The following ZNF546 variants were observed in gnomAD, a reference collection of about 807,000 sequenced individuals.
ZNF546 encodes the protein CTC-471F3.6.
ZNF546 carries 60 observed loss-of-function variants against 76.2 expected under a neutral mutation model. The observed-to-expected ratio is 0.79, with a 90% CI of 0.64 to 0.98. ZNF546 has a LOEUF of 0.98. Among genes scored for constraint, ZNF546 ranks in the 50% least tolerant of loss-of-function variants. The pLI is 0.00. For missense variants in ZNF546, 936 were observed against 1,035.6 expected (o/e 0.90, Z 1.32); for synonymous variants, 277 against 328.1 (o/e 0.84, Z 1.68).
At chr19:40,008,591 G>T (rs1971635777) in intron 6 of ZNF546, 26 bp downstream of exon 6, 10 of 1,583,066 alleles carry the variant, frequency 6.3e-6, no homozygotes, top group Non-Finnish European at 8.7e-6. Context: ...TTAGGCGGGA[G>T]GGTGCTATCA....
rs1329897470 is a variant in ZNF546, at chr19:40,015,397, A to C, written c.2127A>C (p.Thr709=). 1 of 1,614,134 alleles carries C rather than the reference A, an allele frequency of 6.2e-7. No homozygotes were observed. Among genetic ancestry groups the C allele is most frequent in the Non-Finnish European group, 8.5e-7 (1 of 1,180,014 alleles). ...CTTTTATTTGCAGTTATCGACTTAC[A>C]TTACATCAAAGAATTCACACTGGTG... ...GNAFICSYRL[T]LHQRIHTGEL... Residue 709 remains threonine (T), a synonymous_variant, in exon 7 of 7, where the codon ACA becomes ACC. Transcript: ENST00000347077.
chr19:40,008,861 T>C (rs964051983), intron 6 of ZNF546, among the ~76,000 whole-genome samples: 1 of 152,244 alleles, frequency 6.6e-6, no homozygotes, highest in African/African-American at 2.4e-5. Flanking sequence ...CCAGGCCTCC[T>C]TTAACATTTT....
chr19:40,008,063 C>T (rs1413849423), intron 5 of ZNF546, among the ~76,000 whole-genome samples: 3 of 152,192 alleles, frequency 2.0e-5, no homozygotes, highest in Non-Finnish European at 4.4e-5. Flanking sequence ...ATTTAATTCT[C>T]ACCACAGCCC....
At position 39,997,104 on chromosome 19, in the gene ZNF546, GGTT is replaced by G. The variant is rs1287794739; in HGVS notation, c.-187_-185del. 1 of 152,310 alleles carries G rather than the reference GGTT, an allele frequency of 6.6e-6. No individual in the cohort carries two copies. The highest frequency in any genetic ancestry group is 1.5e-5 in the Non-Finnish European group (1 of 68,094). The allele number at this position is 152,310 out of a possible 1,614,324, so 9.4% of individuals were successfully genotyped here. A position where few individuals can be genotyped will look rare whatever the true frequency, so the allele number is the denominator to read the frequency against. ...GGGCCCTTTACATTGCGTTCTTAACGGTTCAGTCACCTTAACCGTTATTATTCA... is the reference window on the plus strand; with the variant it reads ...GGGCCCTTTACATTGCGTTCTTAACGCAGTCACCTTAACCGTTATTATTCA... On this transcript the variant is annotated 5_prime_UTR_variant, in exon 1 of 7. Coordinates refer to ENST00000347077, the MANE Select transcript of ZNF546 (RefSeq NM_178544.5).
chr19:40,012,732 T>C (rs1341455064), intron 6 of ZNF546, among the ~76,000 whole-genome samples: 1 of 152,204 alleles, frequency 6.6e-6, no homozygotes, highest in Non-Finnish European at 1.5e-5. Flanking sequence ...TGAAGAACAG[T>C]ATATGTAAGA....
chr19:40,010,939 C>T (rs928259375), intron 6 of ZNF546, among the ~76,000 whole-genome samples: 2 of 152,112 alleles, frequency 1.3e-5, no homozygotes, highest in African/African-American at 4.8e-5. Flanking sequence ...CTCAGCCTCC[C>T]AAAGTGCTGG....
intron 3 of ZNF546, among the ~76,000 whole-genome samples, 156 bp from the exon 4 acceptor site, chr19:40,005,940 C>T (rs192987485): frequency 1.2e-4 from 18 of 152,288 alleles, no homozygotes; most frequent in Admixed American, 7.8e-4. Context: ...ATTTACACCA[C>T]CCCAGCCTTG....
rs1423042092 is a variant in ZNF546 at position 40,019,292 on chromosome 19, C to T, written c.*3511C>T. The stretch of plus-strand genomic sequence containing the variant: ...GTTTCTCCTGCTCACCACTCTACTC[C>T]CAGTGACTTAATACTGTCTCTTTAA... On this transcript the variant is annotated 3_prime_UTR_variant, in exon 7 of 7. Transcript: ENST00000347077. 5.3e-5 allele frequency: 8 copies of T among 152,138 alleles called. No individual in the cohort carries two copies. Among genetic ancestry groups the T allele is most frequent in the Admixed American group, 2.6e-4 (4 of 15,272 alleles). 9.4% of individuals were successfully genotyped at this position (152,138 alleles called of 1,614,324 possible).
chr19:40,000,629 AAAAAG>A (rs1971517825), intron 3 of ZNF546, among the ~76,000 whole-genome samples: 2 of 151,584 alleles, frequency 1.3e-5, no homozygotes, highest in African/African-American at 4.8e-5. Context: ...AAAAAAAAAA[AAAAAG>A]AAAAAGAAAA....
chr19:40,014,292 A>G lies in ZNF546; in HGVS notation c.1022A>G (p.His341Arg). 2 of 1,610,322 alleles carry G rather than the reference A, an allele frequency of 1.2e-6. No homozygotes were observed. Among genetic ancestry groups the G allele is most frequent in the Non-Finnish European group, 1.7e-6 (2 of 1,178,678 alleles). Residue 341 changes from histidine to arginine, a missense_variant, in exon 7 of 7, where the codon CAT becomes CGT. Physicochemically the swap from His to Arg is conservative, Grantham distance 29. Coordinates refer to ENST00000347077, the MANE Select transcript of ZNF546 (RefSeq NM_178544.5). ...CKECGKAFRL[H>R]YQLTEHQRIH... ...GAATGTGGGAAGGCCTTTAGACTTC[A>G]TTATCAACTAACTGAACATCAAAGA...
At position 40,016,034 on chromosome 19, in the gene ZNF546, T is replaced by C; in HGVS notation, c.*253T>C. On this transcript the variant is annotated 3_prime_UTR_variant, in exon 7 of 7. Coordinates refer to ENST00000347077, the MANE Select transcript of ZNF546 (RefSeq NM_178544.5). ...TCCCCTACAAACTGTTGTTGAACAG[T>C]GCTTCTCTAAAATGCAATAATAATG... The C allele has an allele frequency of 2.1e-6, 1 of 483,642 alleles. No homozygotes were observed. The highest frequency in any genetic ancestry group is 3.7e-6 in the Non-Finnish European group (1 of 268,516). The allele number at this position is 483,642 out of a possible 1,614,324, so 30.0% of individuals were successfully genotyped here. A position where few individuals can be genotyped will look rare whatever the true frequency, so the allele number is the denominator to read the frequency against.
rs1047898579 is a variant in ZNF546 at position 40,016,603 on chromosome 19, G to C, written c.*822G>C. The C allele has an allele frequency of 1.3e-5, 2 of 152,100 alleles. No homozygotes were observed. The highest frequency in any genetic ancestry group is 2.9e-5 in the Non-Finnish European group (2 of 68,010). 9.4% of individuals were successfully genotyped at this position (152,100 alleles called of 1,614,324 possible). ...AATAAAAGCCCCAGTTTTTTATTAT[G>C]GTATTTAACTGAGTTAACTCTGTCA... On this transcript the variant is annotated 3_prime_UTR_variant, in exon 7 of 7. Transcript: ENST00000347077.
intron 3 of ZNF546, among the ~76,000 whole-genome samples, chr19:40,002,230 T>C (rs913221451): frequency 9.2e-5 from 14 of 152,250 alleles, no homozygotes; most frequent in African/African-American, 3.4e-4. Flanking sequence ...CATAGTTTAT[T>C]TAACCTGCTG....
In ZNF546 at chr19:40,014,900, C is replaced by G; in HGVS notation, c.1630C>G (p.His544Asp). Residue 544 changes from histidine to aspartate, a missense_variant, in exon 7 of 7, where the codon CAC becomes GAC. Physicochemically the swap from His to Asp is moderately conservative, Grantham distance 81 (BLOSUM62 -1). Coordinates refer to ENST00000347077, the MANE Select transcript of ZNF546 (RefSeq NM_178544.5). ...FRLQGELTRH[H>D]RIHTCEKPYE... ...TCTTCAAGGAGAACTTACCCGACAT[C>G]ACAGAATTCATACATGTGAGAAACC... 3 of 1,613,918 alleles carry G rather than the reference C, an allele frequency of 1.9e-6. No homozygotes were observed. The highest frequency in any genetic ancestry group is 2.5e-6 in the Non-Finnish European group (3 of 1,179,920).
intron 3 of ZNF546, among the ~76,000 whole-genome samples, chr19:40,000,197 C>A (rs754786034): frequency 6.6e-6 from 1 of 151,980 alleles, no homozygotes; most frequent in Non-Finnish European, 1.5e-5. Context: ...TAAGATAGTT[C>A]TTCAGGATTA....
chr19:40,019,578 T>C lies in ZNF546; in HGVS notation c.*3797T>C, dbSNP rs1971827558. ...CAGATGGAGGAGATATTTTTTGTTTTATTGAAAATTTCAAGGAGGAAGTAA... is the reference window on the plus strand; with the variant it reads ...CAGATGGAGGAGATATTTTTTGTTTCATTGAAAATTTCAAGGAGGAAGTAA... On this transcript the variant is annotated 3_prime_UTR_variant, in exon 7 of 7. Coordinates refer to ENST00000347077, the MANE Select transcript of ZNF546 (RefSeq NM_178544.5). 1 of 152,204 alleles carries C rather than the reference T, an allele frequency of 6.6e-6. No homozygotes were observed. Among genetic ancestry groups the C allele is most frequent in the African/African-American group, 2.4e-5 (1 of 41,466 alleles). 9.4% of individuals were successfully genotyped at this position (152,204 alleles called of 1,614,324 possible).
rs575988748 is a variant in ZNF546 at position 40,020,772 on chromosome 19, C to A, written c.*4991C>A. On this transcript the variant is annotated 3_prime_UTR_variant, in exon 7 of 7. Transcript: ENST00000347077. ...AAATGCCATAACCAAAAAAGAGTGA[C>A]CCTAAAGATAGAATATTCAGATCTA... 2 of 152,082 alleles carry A rather than the reference C, an allele frequency of 1.3e-5. No homozygotes were observed. Among genetic ancestry groups the A allele is most frequent in the South Asian group, 2.1e-4 (1 of 4,818 alleles). 9.4% of individuals were successfully genotyped at this position (152,082 alleles called of 1,614,324 possible).
rs1228423675 is a variant in ZNF546 at position 40,013,708 on chromosome 19, G to C, written c.438G>C (p.Lys146Asn). 2 of 1,407,006 alleles carry C rather than the reference G, an allele frequency of 1.4e-6. No individual in the cohort carries two copies. Among genetic ancestry groups the C allele is most frequent in the African/African-American group, 3.4e-5 (2 of 59,002 alleles). The allele number at this position is 1,407,006 out of a possible 1,614,324, so 87.2% of individuals were successfully genotyped here. ...TTACCAAGAATTTGCTTTCAGAAAAGAATGTTTGCAAAATCTATTTATCTC... is the reference window on the plus strand; with the variant it reads ...TTACCAAGAATTTGCTTTCAGAAAACAATGTTTGCAAAATCTATTTATCTC... ...KYITKNLLSE[K>N]NVCKIYLSQL... Residue 146 changes from lysine to asparagine, a missense_variant, in exon 7 of 7, where the codon AAG becomes AAC. Coordinates refer to ENST00000347077, the MANE Select transcript of ZNF546 (RefSeq NM_178544.5).
intron 4 of ZNF546, 112 bp downstream of exon 4, chr19:40,006,294 T>C: frequency 6.8e-6 from 6 of 881,266 alleles, no homozygotes; most frequent in Non-Finnish European, 8.9e-6. Flanking sequence ...TGGAACCTGC[T>C]CCCTAGTTAC....
Sources: allele counts gnomAD v4.1 joint callset (sites outside exome capture counted in the v4.1 genomes callset), GRCh38; gene constraint gnomAD v4.1.1; transcripts MANE v1.5; gene names NCBI Gene and HGNC (gene_info 2026-07-23, HGNC 2026-07-21).